PCDH11X: variants seen among roughly 807,000 people sequenced by gnomAD.
PCDH11X encodes protocadherin 11 X-linked, also known as protocadherin-11 X-linked.
PCDH11X carries 18 observed loss-of-function variants against 53.3 expected under a neutral mutation model. The ratio of observed to expected loss-of-function variants is 0.34; its 90% CI spans 0.23 to 0.50. The LOEUF is 0.50. Ranked by LOEUF, PCDH11X falls within the 20% of genes least tolerant of loss-of-function variation. The pLI, the probability that PCDH11X is intolerant of heterozygous loss-of-function variation, is 0.98. For synonymous variants in PCDH11X, 279 were observed against 393.3 expected (o/e 0.71, Z 3.44); for missense variants, 570 against 1,032.4 (o/e 0.55, Z 6.14).
intron 8 of PCDH11X, among the ~76,000 whole-genome samples, chrX:92,338,846 G>T (rs1385414344): frequency 1.8e-5 from 2 of 111,585 alleles, no homozygotes; most frequent in Non-Finnish European, 3.8e-5. Context: ...TCTAACTACT[G>T]GTGGGCTGCT....
chrX:92,558,361 G>T (rs543782323), intron 10 of PCDH11X, among the ~76,000 whole-genome samples: 1 of 111,200 alleles, frequency 9.0e-6, no homozygotes, highest in Admixed American at 9.6e-5. Flanking sequence ...CTTTTAAAAA[G>T]GCACATGCTC....
At chrX:91,940,498 T>TGCGCATGTATACACACAC (rs1389544645) in intron 6 of PCDH11X, among the ~76,000 whole-genome samples, 3 of 111,149 alleles carry the variant, frequency 2.7e-5, no homozygotes, top group African/African-American at 9.8e-5. Flanking sequence ...TGGGCACACA[T>TGCGCATGTATACACACAC]GCGCATGTAT....
intron 10 of PCDH11X, among the ~76,000 whole-genome samples, chrX:92,471,701 T>C (rs189191880): frequency 1.3e-3 from 140 of 106,019 alleles, no homozygotes; most frequent in African/African-American, 4.7e-3. Context: ...TCTTCCACAG[T>C]GGCTGAAATA....
chrX:92,105,021 C>T (rs769882342), intron 6 of PCDH11X, among the ~76,000 whole-genome samples: 30 of 108,899 alleles, frequency 2.8e-4, no homozygotes, highest in Middle Eastern at 4.7e-3. Flanking sequence ...GGCATCCCTG[C>T]GTGGTCTGAC....
chrX:92,378,378 G>T (rs1296200440), intron 8 of PCDH11X, among the ~76,000 whole-genome samples: 1 of 108,842 alleles, frequency 9.2e-6, no homozygotes, highest in African/African-American at 3.3e-5. Flanking sequence ...TCTAATTAGG[G>T]TAGTCTGACA....
At chrX:92,201,299 T>C in intron 6 of PCDH11X, 76 bp from the exon 7 acceptor site, 1 of 1,128,323 alleles carries the variant, frequency 8.9e-7, no homozygotes, top group South Asian at 2.1e-5. Flanking sequence ...CTATAGGCAA[T>C]GTTTATATGA....
chrX:92,573,853 A>G (rs936813106), intron 10 of PCDH11X, among the ~76,000 whole-genome samples: 22 of 109,356 alleles, frequency 2.0e-4, no homozygotes, highest in African/African-American at 7.0e-4. Context: ...TATCTTAGCT[A>G]AAATTGAACA....
intron 6 of PCDH11X, among the ~76,000 whole-genome samples, chrX:92,134,493 G>A (rs2065050946): frequency 9.0e-6 from 1 of 110,759 alleles, no homozygotes; most frequent in Admixed American, 9.8e-5. Context: ...AAAAAAAGAC[G>A]AGAGTATGTT....
intron 6 of PCDH11X, among the ~76,000 whole-genome samples, chrX:92,139,270 C>CTT (rs1227547175): frequency 1.2e-3 from 99 of 82,787 alleles, no homozygotes; most frequent in African/African-American, 2.4e-3. Context: ...TTCTTTCTTT[C>CTT]TTTTTTTTTT....
At chrX:92,317,177 C>A (rs909599310) in intron 8 of PCDH11X, among the ~76,000 whole-genome samples, 2 of 98,753 alleles carry the variant, frequency 2.0e-5, no homozygotes, top group East Asian at 6.5e-4. Flanking sequence ...CTCCCACCCC[C>A]CCATCCCTGC....
chrX:92,541,431 G>A (rs1246158940), intron 10 of PCDH11X, among the ~76,000 whole-genome samples: 2 of 111,321 alleles, frequency 1.8e-5, no homozygotes, highest in African/African-American at 3.3e-5. Flanking sequence ...ATGGGGAGGG[G>A]TGGTGTCAGC....
At chrX:91,883,661 C>G (rs1358113285) in intron 6 of PCDH11X, 1 of 514,843 alleles carries the variant, frequency 1.9e-6, no homozygotes, top group Non-Finnish European at 2.4e-6. Context: ...AAAAATTAGC[C>G]TGGCGTGGTG....
chrX:92,426,533 G>T (rs1223491190), intron 9 of PCDH11X, among the ~76,000 whole-genome samples: 2 of 108,652 alleles, frequency 1.8e-5, no homozygotes, highest in Admixed American at 2.0e-4. Context: ...ATCGAACTAT[G>T]TTTTCATTTA....
chrX:92,265,797 A>G (rs1259830634), intron 8 of PCDH11X, among the ~76,000 whole-genome samples: 1 of 112,095 alleles, frequency 8.9e-6, no homozygotes, highest in African/African-American at 3.2e-5. Flanking sequence ...TTCTCTCTTT[A>G]AAAAGATAAC....
chrX:92,174,202 G>T (rs1156599151), intron 6 of PCDH11X, among the ~76,000 whole-genome samples: 1 of 106,245 alleles, frequency 9.4e-6, no homozygotes, highest in Non-Finnish European at 1.9e-5. Context: ...ACTCTAGACA[G>T]TATGATTAAA....
intron 4 of PCDH11X, among the ~76,000 whole-genome samples, chrX:91,828,227 C>T (rs1379345266): frequency 2.8e-5 from 3 of 107,097 alleles, no homozygotes; most frequent in Non-Finnish European, 5.7e-5. Context: ...TCACGCCATT[C>T]TCCTGCCTCA....
chrX:92,089,417 T>A (rs1297548425), intron 6 of PCDH11X, among the ~76,000 whole-genome samples: 1 of 112,422 alleles, frequency 8.9e-6, no homozygotes, highest in Non-Finnish European at 1.9e-5. Context: ...TCATGGTCTC[T>A]TGAAATTAGC....
At chrX:92,050,330 G>A (rs1353424851) in intron 6 of PCDH11X, among the ~76,000 whole-genome samples, 1 of 102,546 alleles carries the variant, frequency 9.8e-6, no homozygotes. Context: ...GTTTTTTGTT[G>A]TATTTCATAT....
intron 10 of PCDH11X, among the ~76,000 whole-genome samples, chrX:92,552,082 A>G (rs751287763): frequency 2.0e-5 from 2 of 100,543 alleles, no homozygotes; most frequent in South Asian, 4.8e-4. Flanking sequence ...TAGTTCAATG[A>G]GTAATGCCAC....
Sources: allele counts gnomAD v4.1 joint callset (sites outside exome capture counted in the v4.1 genomes callset), GRCh38; gene constraint gnomAD v4.1.1; transcripts MANE v1.5; gene names NCBI Gene and HGNC (gene_info 2026-07-23, HGNC 2026-07-21).